The following STRAP variants were observed in gnomAD, a reference collection of about 807,000 sequenced individuals.
STRAP encodes serine/threonine kinase receptor associated protein, also known as serine-threonine kinase receptor-associated protein.
A neutral mutation model predicts 47.0 loss-of-function variants in STRAP; 16 were observed. The ratio of observed to expected loss-of-function variants is 0.34; its 90% CI spans 0.23 to 0.52. STRAP has a LOEUF of 0.52. Ranked by LOEUF, STRAP falls within the 20% of genes least tolerant of loss-of-function variation. The probability of loss-of-function intolerance (pLI) is 0.96; values close to 1 mark genes in which losing one functional copy is unlikely to be tolerated. For missense variants in STRAP, 293 were observed against 420.0 expected (o/e 0.70, Z 2.64); for synonymous variants, 130 against 142.7 (o/e 0.91, Z 0.63).
rs1026695152 is a variant in STRAP, at chr12:15,896,025, C to T, written c.638+529C>T. 6.6e-5 allele frequency among the ~76,000 whole-genome samples: 10 copies of T among 151,510 alleles called. No individual in the cohort carries two copies. The highest frequency in any genetic ancestry group is 2.4e-4 in the African/African-American group (10 of 41,206). Reference sequence around the variant, plus strand: ...ACCACTTGAGGTTAGGGGATTGAGACCAGCCTGGCCAACATGGTGAAACCC... The same window carrying T: ...ACCACTTGAGGTTAGGGGATTGAGATCAGCCTGGCCAACATGGTGAAACCC... On this transcript the variant is annotated intron_variant, in intron 6 of 9. Coordinates refer to ENST00000419869, the MANE Select transcript of STRAP (RefSeq NM_007178.4). This position sits in a 1 kb window ranked among gnomAD's most constrained non-coding sequence, Gnocchi z 4.1.
At chr12:15,900,171 G>C in intron 8 of STRAP, 118 bp downstream of exon 8, 2 of 1,104,188 alleles carry the variant, frequency 1.8e-6, no homozygotes, top group Non-Finnish European at 2.5e-6. Context: ...ATATATTATG[G>C]TTTAAGCAGC....
chr12:15,897,982 C>G lies in STRAP; in HGVS notation c.739C>G (p.Leu247Val). The change falls in exon 7 of 10, where the codon CTT (leucine) becomes GTT (valine). Residue 247 changes from leucine (L) to valine (V), a missense_variant. Coordinates refer to ENST00000419869, the MANE Select transcript of STRAP (RefSeq NM_007178.4). Reference sequence around the variant, plus strand: ...TGTTGCAGGCGGTGAAGATTTTAAACTTTATAAGTATGATTATAATAGTGG... The same window carrying G: ...TGTTGCAGGCGGTGAAGATTTTAAAGTTTATAAGTATGATTATAATAGTGG... ...FLVAGGEDFK[L>V]YKYDYNSGEE... 6.2e-7 allele frequency: 1 copy of G among 1,603,776 alleles called. No individual in the cohort carries two copies. The highest frequency in any genetic ancestry group is 1.1e-5 in the South Asian group (1 of 89,174).
intron 2 of STRAP, among the ~76,000 whole-genome samples, chr12:15,885,154 T>A (rs1947958537): frequency 6.6e-6 from 1 of 151,580 alleles, no homozygotes; most frequent in Non-Finnish European, 1.5e-5. Flanking sequence ...TTTATTAGAC[T>A]TAAGAGGCTA....
At chr12:15,898,137 C>A in intron 7 of STRAP, 119 bp downstream of exon 7, 1 of 937,392 alleles carries the variant, frequency 1.1e-6, no homozygotes, top group Non-Finnish European at 1.5e-6. Flanking sequence ...AATTTTTCAG[C>A]TAACTTAAGC....
At chr12:15,898,475 A>T (rs1948078265) in intron 7 of STRAP, among the ~76,000 whole-genome samples, 1 of 152,114 alleles carries the variant, frequency 6.6e-6, no homozygotes, top group Non-Finnish European at 1.5e-5. Flanking sequence ...TGTGTGGGGG[A>T]AAAATCAGTA....
chr12:15,889,813 A>G, intron 2 of STRAP, 115 bp from the exon 3 acceptor site: 1 of 709,370 alleles, frequency 1.4e-6, no homozygotes, highest in African/African-American at 1.8e-5. Context: ...TAATACATTT[A>G]TGTAACATTT....
intron 2 of STRAP, among the ~76,000 whole-genome samples, chr12:15,884,648 C>T (rs1281712566): frequency 6.6e-6 from 1 of 152,084 alleles, no homozygotes; most frequent in African/African-American, 2.4e-5. Flanking sequence ...GGCCTCCATG[C>T]CTCAGCCTCT....
rs904266188 is a variant in STRAP at position 15,896,645 on chromosome 12, A to C, written c.638+1149A>C. Among the ~76,000 whole-genome samples, 3 of 152,032 alleles carry C rather than the reference A, an allele frequency of 2.0e-5. No individual in the cohort carries two copies. In the East Asian group the frequency reaches 5.8e-4, roughly 29 times the overall value. ...CTTTGAAAACATTTTTACTTGATACACTGTATTTGCATCATAGGTTGTACT... is the reference window on the plus strand; with the variant it reads ...CTTTGAAAACATTTTTACTTGATACCCTGTATTTGCATCATAGGTTGTACT... On this transcript the variant is annotated intron_variant, in intron 6 of 9. Coordinates refer to ENST00000419869, the MANE Select transcript of STRAP (RefSeq NM_007178.4). The surrounding 1 kb of genome is among the most constrained non-coding windows in gnomAD (Gnocchi z 4.1).
chr12:15,896,071 A>G lies in STRAP; in HGVS notation c.638+575A>G, dbSNP rs151104450. On this transcript the variant is annotated intron_variant, in intron 6 of 9. Coordinates refer to ENST00000419869, the MANE Select transcript of STRAP (RefSeq NM_007178.4). This position sits in a 1 kb window ranked among gnomAD's most constrained non-coding sequence, Gnocchi z 4.1. ...AACCCCGTCTCTAAAATAAAAATACAAAGAGAAGAAAAATTAGCTGGGTGT... is the reference window on the plus strand; with the variant it reads ...AACCCCGTCTCTAAAATAAAAATACGAAGAGAAGAAAAATTAGCTGGGTGT... 2.4e-3 allele frequency among the ~76,000 whole-genome samples: 359 copies of G among 151,090 alleles called. 2 individuals carry two copies. The highest frequency in any genetic ancestry group is 3.8e-3 in the Non-Finnish European group (257 of 67,734).
intron 2 of STRAP, among the ~76,000 whole-genome samples, chr12:15,888,716 TC>T (rs1223607942): frequency 1.3e-5 from 2 of 152,184 alleles, no homozygotes; most frequent in African/African-American, 4.8e-5. Flanking sequence ...GGTGCTTTTT[TC>T]TGAGTTTTTA....
At chr12:15,884,932 T>C (rs1251282561) in intron 2 of STRAP, among the ~76,000 whole-genome samples, 3 of 152,208 alleles carry the variant, frequency 2.0e-5, no homozygotes, top group Non-Finnish European at 4.4e-5. Flanking sequence ...AATCTTATTG[T>C]TGCCAGAATA....
At position 15,884,372 on chromosome 12, in the gene STRAP, C is replaced by A. The variant is rs576380774; in HGVS notation, c.248+696C>A. Among the ~76,000 whole-genome samples the A allele has an allele frequency of 1.3e-5, 2 of 152,244 alleles. 1 individual carries two copies. Among genetic ancestry groups the A allele is most frequent in the East Asian group, 3.9e-4 (2 of 5,184 alleles). On this transcript the variant is annotated intron_variant, in intron 2 of 9. Transcript: ENST00000419869. The stretch of plus-strand genomic sequence containing the variant: ...TTCCTAAAAACATACTTGATCATGT[C>A]ACTTCTCTACTAATGATCTTCCTGT...
In STRAP at chr12:15,882,402, C is replaced by T. The variant is rs796593695; in HGVS notation, c.-306C>T. 2 of 442,658 alleles carry T rather than the reference C, an allele frequency of 4.5e-6. No individual in the cohort carries two copies. Among genetic ancestry groups the T allele is most frequent in the Admixed American group, 3.9e-5 (1 of 25,750 alleles). 27.4% of individuals were successfully genotyped at this position (442,658 alleles called of 1,614,324 possible). ...GCGTCATTTACGTCGTCACTTCCTG[C>T]CGATGCCGGTGTGGACGCTGTGAAT... is the stretch of plus-strand genomic sequence containing the variant. On this transcript the variant is annotated 5_prime_UTR_variant, in exon 1 of 10. Transcript: ENST00000419869.
Position 15,890,661 on chromosome 12 carries a change from C to A in STRAP, c.395C>A (p.Pro132His). ...TTACGCATATATGACTTGAACAAAC[C>A]TGAAGCAGGTAAGCATAATTTAAAC... ...KLLRIYDLNKPEAEPKEISGH... is the reference protein window; with the variant it reads ...KLLRIYDLNKHEAEPKEISGH... Residue 132 changes from proline to histidine, a missense_variant, in exon 4 of 10, where the codon CCT becomes CAT. Pro to His is a moderately conservative substitution (Grantham distance 77). This residue lies in a region of STRAP where 152 missense variants were observed against 183.0 expected (regional missense o/e 0.83). Coordinates refer to ENST00000419869, the MANE Select transcript of STRAP (RefSeq NM_007178.4). This position sits in a 1 kb window ranked among gnomAD's most constrained non-coding sequence, Gnocchi z 4.5. 1.9e-6 allele frequency: 3 copies of A among 1,607,784 alleles called. No homozygotes were observed. The South Asian group carries it at 3.3e-5, about 18-fold the overall frequency.
At chr12:15,893,979 T>C in intron 4 of STRAP, 68 bp from the exon 5 acceptor site, 3 of 1,204,272 alleles carry the variant, frequency 2.5e-6, no homozygotes, top group Middle Eastern at 2.1e-4. Context: ...AATATATAAT[T>C]GTTCCGATAT....
chr12:15,883,018 T>C (rs928427393), intron 1 of STRAP, 199 bp downstream of exon 1: 10 of 1,519,792 alleles, frequency 6.6e-6, no homozygotes, highest in Middle Eastern at 3.4e-4. Context: ...AGGACGCTTT[T>C]GTAGAAACTA....
At chr12:15,899,153 A>C (rs1189489423) in intron 7 of STRAP, among the ~76,000 whole-genome samples, 2 of 152,230 alleles carry the variant, frequency 1.3e-5, no homozygotes. Context: ...AGATCTGCCT[A>C]GCCTTTCTCT....
rs1948041850 is a variant in STRAP, at chr12:15,894,251, G to A, written c.500+108G>A. ...AGCCGGGTGGATCATTAGAGGTCAG[G>A]AGTACTAGACCAGCCTGGCCGACAT... On this transcript the variant is annotated intron_variant, in intron 5 of 9. Coordinates refer to ENST00000419869, the MANE Select transcript of STRAP (RefSeq NM_007178.4). The surrounding 1 kb of genome is among the most constrained non-coding windows in gnomAD (Gnocchi z 4.9). The A allele has an allele frequency of 3.7e-6, 3 of 811,094 alleles. No individual in the cohort carries two copies. The highest frequency in any genetic ancestry group is 3.5e-5 in the African/African-American group (2 of 57,050). The allele number at this position is 811,094 out of a possible 1,614,324, so 50.2% of individuals were successfully genotyped here. A position where few individuals can be genotyped will look rare whatever the true frequency, so the allele number is the denominator to read the frequency against.
chr12:15,883,215 C>T, intron 1 of STRAP: 2 of 1,356,568 alleles, frequency 1.5e-6, no homozygotes, highest in Non-Finnish European at 2.0e-6. Context: ...CTGGATATTC[C>T]TTTGTGGTAT....
Sources: gnomAD v4.1 joint callset for allele counts (sites outside exome capture counted in the v4.1 genomes callset) on GRCh38, gnomAD v4.1.1 for gene constraint, gnomAD v4.1.1 regional missense constraint, Gnocchi (gnomAD v3.1) non-coding constraint, MANE v1.5 for transcripts, NCBI Gene and HGNC (gene_info 2026-07-23, HGNC 2026-07-21) for gene names.